Variants in EXOC4 observed in about 807,000 individuals in gnomAD.
EXOC4 encodes exocyst complex component 4, also known as SEC8-like 1.
In EXOC4, 71 loss-of-function variants were observed where a neutral mutation model predicts 107.2. The observed-to-expected ratio is 0.66, with a 90% CI of 0.55 to 0.81. The LOEUF (loss-of-function observed/expected upper bound fraction) is 0.81, where lower values mean the gene tolerates loss of function less well. Ranked by LOEUF, EXOC4 falls within the 30% of genes least tolerant of loss-of-function variation. The pLI is 0.00. For synonymous variants in EXOC4, 456 were observed against 441.2 expected (o/e 1.03, Z -0.42); for missense variants, 1,108 against 1,189.6 (o/e 0.93, Z 1.01).
intron 14 of EXOC4, among the ~76,000 whole-genome samples, chr7:133,986,740 G>A (rs1349938582): frequency 6.6e-6 from 1 of 152,190 alleles, no homozygotes; most frequent in African/African-American, 2.4e-5. Flanking sequence ...GTACAGGTTT[G>A]CAAATAATTC....
chr7:133,837,746 T>C (rs557316275), intron 11 of EXOC4, among the ~76,000 whole-genome samples: 4 of 152,194 alleles, frequency 2.6e-5, no homozygotes, highest in Middle Eastern at 3.2e-3. Flanking sequence ...TTTCACTGTT[T>C]ATTGGTTAGA....
intron 10 of EXOC4, among the ~76,000 whole-genome samples, chr7:133,717,101 A>T (rs974638942): frequency 2.0e-5 from 3 of 152,222 alleles, no homozygotes; most frequent in Admixed American, 6.5e-5. Flanking sequence ...TATCCCGAAT[A>T]GATTCCAATA....
chr7:133,598,668 A>T (rs1448926748), intron 9 of EXOC4, among the ~76,000 whole-genome samples: 1 of 152,172 alleles, frequency 6.6e-6, no homozygotes, highest in Admixed American at 6.5e-5. Flanking sequence ...TAACATCTGA[A>T]TTGGGTTGTA....
At chr7:133,289,160 A>G in intron 3 of EXOC4, 44 bp downstream of exon 3, 1 of 1,545,930 alleles carries the variant, frequency 6.5e-7, no homozygotes, top group Non-Finnish European at 8.9e-7. Context: ...GTTAAGATGT[A>G]AAAGCACTCT....
At chr7:133,393,610 A>G (rs1397896697) in intron 7 of EXOC4, among the ~76,000 whole-genome samples, 1 of 152,148 alleles carries the variant, frequency 6.6e-6, no homozygotes, top group East Asian at 1.9e-4. Flanking sequence ...AGCCCTCATG[A>G]ATGGAATTAG....
intron 5 of EXOC4, among the ~76,000 whole-genome samples, chr7:133,335,570 T>C (rs1257545409): frequency 6.6e-6 from 1 of 152,240 alleles, no homozygotes; most frequent in Non-Finnish European, 1.5e-5. Flanking sequence ...CTCCATTGTA[T>C]ATATACTATA....
chr7:133,391,958 A>C (rs1326362721), intron 7 of EXOC4, among the ~76,000 whole-genome samples: 1 of 152,236 alleles, frequency 6.6e-6, no homozygotes, highest in Non-Finnish European at 1.5e-5. Flanking sequence ...TTATCTTTAG[A>C]AATTCAAGTA....
intron 11 of EXOC4, among the ~76,000 whole-genome samples, chr7:133,870,374 C>T (rs1798726882): frequency 6.6e-6 from 1 of 152,150 alleles, no homozygotes; most frequent in African/African-American, 2.4e-5. Flanking sequence ...GTGCTTGATT[C>T]TGGGGAAAAC....
chr7:133,612,707 T>C (rs925315456), intron 9 of EXOC4, among the ~76,000 whole-genome samples: 1 of 152,128 alleles, frequency 6.6e-6, no homozygotes, highest in African/African-American at 2.4e-5. Context: ...CAGATGGTGG[T>C]GGCTTGGAAG....
intron 14 of EXOC4, among the ~76,000 whole-genome samples, chr7:133,944,326 T>G (rs1800500946): frequency 6.6e-6 from 1 of 152,150 alleles, no homozygotes; most frequent in South Asian, 2.1e-4. Flanking sequence ...ACTTTCCTTG[T>G]TTTTTGTGAC....
chr7:133,952,324 C>A (rs1800711894), intron 14 of EXOC4, among the ~76,000 whole-genome samples: 2 of 152,192 alleles, frequency 1.3e-5, no homozygotes, highest in Admixed American at 6.5e-5. Context: ...TTTGGAATAG[C>A]TGTAGTTAAG....
chr7:133,623,666 AG>A (rs1802385606), intron 9 of EXOC4, among the ~76,000 whole-genome samples: 1 of 152,186 alleles, frequency 6.6e-6, no homozygotes, highest in Non-Finnish European at 1.5e-5. Flanking sequence ...GTCCAGCAGC[AG>A]CTCACCCTTG....
intron 10 of EXOC4, among the ~76,000 whole-genome samples, chr7:133,746,635 A>C (rs906189870): frequency 1.3e-5 from 2 of 152,206 alleles, no homozygotes; most frequent in Non-Finnish European, 2.9e-5. Flanking sequence ...GTTGAGGTTC[A>C]TAAGGTTTTC....
At chr7:134,044,132 C>G (rs1213174418) in intron 17 of EXOC4, among the ~76,000 whole-genome samples, 1 of 152,140 alleles carries the variant, frequency 6.6e-6, no homozygotes, top group Non-Finnish European at 1.5e-5. Context: ...CTCAAAGGAG[C>G]CTGTGTAGAG....
At chr7:133,607,408 A>T (rs1801974190) in intron 9 of EXOC4, among the ~76,000 whole-genome samples, 1 of 152,244 alleles carries the variant, frequency 6.6e-6, no homozygotes, top group African/African-American at 2.4e-5. Context: ...TTGAAGAACA[A>T]CTTATTTCAA....
intron 5 of EXOC4, among the ~76,000 whole-genome samples, chr7:133,338,351 TG>T (rs1468584508): frequency 2.6e-5 from 4 of 150,978 alleles, no homozygotes; most frequent in African/African-American, 9.7e-5. Context: ...CCCAGCACTT[TG>T]GGAGGCCGAG....
At chr7:133,496,401 A>G (rs1256301361) in intron 9 of EXOC4, among the ~76,000 whole-genome samples, 5 of 152,146 alleles carry the variant, frequency 3.3e-5, no homozygotes, top group Non-Finnish European at 5.9e-5. Context: ...TCCTGGCCTC[A>G]AACAGTCCTC....
At chr7:133,770,184 A>G (rs1661974468) in intron 10 of EXOC4, among the ~76,000 whole-genome samples, 1 of 151,932 alleles carries the variant, frequency 6.6e-6, no homozygotes, top group African/African-American at 2.4e-5. Flanking sequence ...AACTCGTGCT[A>G]AGCATTTAGC....
intron 7 of EXOC4, among the ~76,000 whole-genome samples, chr7:133,469,466 G>A (rs559326116): frequency 2.0e-5 from 3 of 151,882 alleles, no homozygotes; most frequent in East Asian, 1.9e-4. Flanking sequence ...GGAAAATTGG[G>A]TTCATAGTTG....
Sources: allele counts gnomAD v4.1 joint callset (sites outside exome capture counted in the v4.1 genomes callset), GRCh38; gene constraint gnomAD v4.1.1; transcripts MANE v1.5; gene names NCBI Gene and HGNC (gene_info 2026-07-23, HGNC 2026-07-21).